STK10: variants seen among roughly 807,000 people sequenced by gnomAD.
STK10 encodes serine/threonine kinase 10.
STK10 carries 78 observed loss-of-function variants against 113.8 expected under a neutral mutation model. That is an observed-to-expected ratio of 0.69 (90% CI 0.57 to 0.83). The LOEUF (loss-of-function observed/expected upper bound fraction) is 0.83. Among genes scored for constraint, STK10 ranks in the 40% least tolerant of loss-of-function variants. STK10 has a pLI of 0.00. For synonymous variants in STK10, 465 were observed against 494.7 expected (o/e 0.94, Z 0.80); for missense variants, 1,109 against 1,280.1 (o/e 0.87, Z 2.04).
At chr5:172,084,566 T>C (rs1428758392) in intron 10 of STK10, among the ~76,000 whole-genome samples, 2 of 152,126 alleles carry the variant, frequency 1.3e-5, no homozygotes, top group African/African-American at 4.8e-5. Context: ...TTTACTTTTC[T>C]AGTATCTCTG....
At chr5:172,083,475 T>C (rs952654164) in intron 10 of STK10, among the ~76,000 whole-genome samples, 3 of 152,324 alleles carry the variant, frequency 2.0e-5, no homozygotes, top group Middle Eastern at 3.4e-3. Flanking sequence ...TACATTTTCA[T>C]GATGTAGAAA....
chr5:172,171,300 G>T (rs1455777424), intron 1 of STK10, among the ~76,000 whole-genome samples: 3 of 152,028 alleles, frequency 2.0e-5, no homozygotes, highest in African/African-American at 7.3e-5. Context: ...GCCCCTGAGG[G>T]GACTTCTTTG....
chr5:172,058,016 C>T (rs777567743), intron 14 of STK10, among the ~76,000 whole-genome samples: 7 of 152,170 alleles, frequency 4.6e-5, no homozygotes, highest in Non-Finnish European at 7.3e-5. Flanking sequence ...GTCTCCTGCA[C>T]GTCCCAGGCA....
intron 1 of STK10, among the ~76,000 whole-genome samples, chr5:172,175,541 G>A (rs568458057): frequency 1.4e-5 from 2 of 143,174 alleles, no homozygotes; most frequent in Non-Finnish European, 1.5e-5. Context: ...CAGCTTCCCC[G>A]CCCTGACACC....
intron 10 of STK10, among the ~76,000 whole-genome samples, chr5:172,085,923 A>G (rs1448241035): frequency 6.6e-6 from 1 of 152,002 alleles, no homozygotes; most frequent in Non-Finnish European, 1.5e-5. Flanking sequence ...CGGAGGGGCC[A>G]TAACTGCTCA....
intron 7 of STK10, among the ~76,000 whole-genome samples, chr5:172,099,059 CCAT>C (rs1768920804): frequency 6.6e-6 from 1 of 151,642 alleles, no homozygotes; most frequent in African/African-American, 2.4e-5. Flanking sequence ...ACCATCATTA[CCAT>C]CACCATCATT....
chr5:172,165,679 G>T (rs1293907260), intron 1 of STK10, among the ~76,000 whole-genome samples: 1 of 152,312 alleles, frequency 6.6e-6, no homozygotes, highest in South Asian at 2.1e-4. Context: ...AACCAAGGGC[G>T]CCTGAAAATG....
At chr5:172,177,299 G>A (rs1425871784) in intron 1 of STK10, among the ~76,000 whole-genome samples, 4 of 152,216 alleles carry the variant, frequency 2.6e-5, no homozygotes, top group Non-Finnish European at 4.4e-5. Flanking sequence ...CTCTGTGGGA[G>A]CCTTGATCTT....
At chr5:172,049,999 C>T (rs1248045356) in intron 18 of STK10, among the ~76,000 whole-genome samples, 7 of 152,154 alleles carry the variant, frequency 4.6e-5, no homozygotes, top group Admixed American at 2.6e-4. Flanking sequence ...GACTGGGTTT[C>T]GCCATGTTGG....
Position 172,117,469 on chromosome 5 carries a change from T to G in STK10, c.520+12A>C, listed in dbSNP as rs1303166124. The stretch of plus-strand genomic sequence containing the variant: ...CCCTGTGGCTCCACCTTTCCCACCC[T>G]GAGCCCCTTACCCAGCCTGATGTCT... On this transcript the variant is annotated intron_variant, in intron 4 of 18. Transcript: ENST00000176763. The G allele has an allele frequency of 6.2e-7, 1 of 1,609,214 alleles. No individual in the cohort carries two copies. The highest frequency in any genetic ancestry group is 1.3e-5 in the African/African-American group (1 of 74,794).
chr5:172,045,501 CAAAA>C, intron 18 of STK10: 1 of 446,786 alleles, frequency 2.2e-6, no homozygotes, highest in Non-Finnish European at 4.5e-6. Flanking sequence ...AAAACAAAAA[CAAAA>C]ACAAAATACA....
chr5:172,064,046 T>TG (rs1767991583), intron 13 of STK10, among the ~76,000 whole-genome samples: 2 of 151,770 alleles, frequency 1.3e-5, no homozygotes, highest in East Asian at 1.9e-4. Flanking sequence ...CACAGGGCTG[T>TG]GGGGGGAAGG....
chr5:172,074,811 G>C (rs757475753), intron 12 of STK10, among the ~76,000 whole-genome samples: 4 of 152,182 alleles, frequency 2.6e-5, no homozygotes, highest in Non-Finnish European at 5.9e-5. Flanking sequence ...TTGAGGTCAG[G>C]AGTTTAAGGC....
intron 12 of STK10, among the ~76,000 whole-genome samples, chr5:172,071,540 G>T (rs1222334590): frequency 1.3e-5 from 2 of 151,996 alleles, no homozygotes; most frequent in African/African-American, 4.8e-5. Context: ...TTTGTTCATT[G>T]TAATAGTAAA....
chr5:172,055,098 A>G (rs1767715770), intron 16 of STK10, among the ~76,000 whole-genome samples: 1 of 152,230 alleles, frequency 6.6e-6, no homozygotes, highest in African/African-American at 2.4e-5. Flanking sequence ...CTGTCCACAC[A>G]CAGAGGTGAA....
intron 10 of STK10, among the ~76,000 whole-genome samples, chr5:172,087,629 T>C (rs547576853): frequency 2.0e-5 from 2 of 99,132 alleles, no homozygotes; most frequent in East Asian, 4.1e-4. Context: ...ATTTATTTTT[T>C]TTTTTTTTTT....
intron 1 of STK10, among the ~76,000 whole-genome samples, chr5:172,164,211 T>TAAAAAA (rs57573746): frequency 4.7e-5 from 4 of 84,626 alleles, no homozygotes; most frequent in East Asian, 3.4e-4. Flanking sequence ...AAACTCCATC[T>TAAAAAA]AAAAAAAAAA....
At chr5:172,152,634 ATT>A (rs1337297797) in intron 2 of STK10, among the ~76,000 whole-genome samples, 6 of 152,208 alleles carry the variant, frequency 3.9e-5, no homozygotes, top group African/African-American at 1.4e-4. Context: ...TTCTCTTCTA[ATT>A]CATTTAAATT....
At chr5:172,067,127 T>G (rs141170611) in intron 12 of STK10, among the ~76,000 whole-genome samples, 1,863 of 152,170 alleles carry the variant, frequency 0.012, 33 homozygotes, top group African/African-American at 0.043. Flanking sequence ...GCTGGGTGGA[T>G]CACCTGAGCT....
Sources: gnomAD v4.1 joint callset for allele counts (sites outside exome capture counted in the v4.1 genomes callset) on GRCh38, gnomAD v4.1.1 for gene constraint, MANE v1.5 for transcripts, NCBI Gene and HGNC (gene_info 2026-07-23, HGNC 2026-07-21) for gene names.